The following ACYP2 variants were observed in gnomAD, a reference collection of about 807,000 sequenced individuals.
ACYP2 encodes acylphosphatase 2, also known as acylphosphatase-2.
ACYP2 carries 12 observed loss-of-function variants against 11.2 expected under a neutral mutation model. The ratio of observed to expected loss-of-function variants is 1.08; its 90% CI spans 0.69 to 1.74. ACYP2 has a LOEUF of 1.74. Ranked by LOEUF, ACYP2 falls within the 40% of genes most tolerant of loss-of-function variation. The pLI is 0.00. For synonymous variants in ACYP2, 43 were observed against 32.2 expected (o/e 1.33, Z -1.13); for missense variants, 134 against 101.9 (o/e 1.31, Z -1.35).
chr2:54,207,273 G>A (rs1371576569), intron 6 of ACYP2, among the ~76,000 whole-genome samples: 1 of 151,418 alleles, frequency 6.6e-6, no homozygotes, highest in East Asian at 1.9e-4. Context: ...TTGTAGGGAA[G>A]GCTGGCAGGC....
At chr2:53,994,329 CAAAAAAAAAAAA>C (rs374302355) in intron 2 of ACYP2, among the ~76,000 whole-genome samples, 2 of 42,892 alleles carry the variant, frequency 4.7e-5, no homozygotes, top group African/African-American at 1.9e-4. Context: ...GACTCCGTCT[CAAAAAAAAAAAA>C]AAAAAAAAAA....
At chr2:54,146,308 C>T (rs1470618280) in intron 6 of ACYP2, among the ~76,000 whole-genome samples, 1 of 152,214 alleles carries the variant, frequency 6.6e-6, no homozygotes, top group African/African-American at 2.4e-5. Context: ...TTTTCACAAC[C>T]ATCTGCCTTT....
chr2:53,975,196 A>C lies in ACYP2; in HGVS notation c.62+1386A>C, dbSNP rs1381161180. 1.3e-5 allele frequency: 5 copies of C among 390,984 alleles called. No homozygotes were observed. The Admixed American group carries it at 1.4e-4, about 11-fold the overall frequency. The allele number at this position is 390,984 out of a possible 1,614,324, so 24.2% of individuals were successfully genotyped here. A position where few individuals can be genotyped will look rare whatever the true frequency, so the allele number is the denominator to read the frequency against. On this transcript the variant is annotated intron_variant, in intron 2 of 6. Transcript: ENST00000607452. Reference sequence around the variant, plus strand: ...GCTGAGATCACACCACTGCATTCCAACCTGGCGACAGAGCGAGACTCTGTC... The same window carrying C: ...GCTGAGATCACACCACTGCATTCCACCCTGGCGACAGAGCGAGACTCTGTC...
At chr2:54,201,662 C>CTTTCTTTCTT (rs1684825319) in intron 6 of ACYP2, among the ~76,000 whole-genome samples, 1 of 80,318 alleles carries the variant, frequency 1.2e-5, no homozygotes, top group Non-Finnish European at 2.8e-5. Context: ...TTCTTTCTTT[C>CTTTCTTTCTT]TTTCTTTCTT....
chr2:54,185,403 ATGTGTT>A (rs1297509230), intron 6 of ACYP2, among the ~76,000 whole-genome samples: 1 of 152,152 alleles, frequency 6.6e-6, no homozygotes, highest in Non-Finnish European at 1.5e-5. Context: ...ATGAAAATAC[ATGTGTT>A]ATTCAGTGGT....
chr2:54,187,231 A>G (rs1053173292), intron 6 of ACYP2, among the ~76,000 whole-genome samples: 2 of 152,202 alleles, frequency 1.3e-5, no homozygotes, highest in African/African-American at 4.8e-5. Context: ...GAGCTGTTAC[A>G]GAGAGCAGCA....
chr2:54,285,375 G>T (rs1689036448), intron 6 of ACYP2, among the ~76,000 whole-genome samples: 1 of 152,146 alleles, frequency 6.6e-6, no homozygotes, highest in South Asian at 2.1e-4. Flanking sequence ...TGCTCCTCTT[G>T]CTGACCACTT....
intron 2 of ACYP2, among the ~76,000 whole-genome samples, chr2:54,001,438 G>C (rs1052424321): frequency 6.6e-6 from 1 of 152,164 alleles, no homozygotes; most frequent in Non-Finnish European, 1.5e-5. Context: ...TTGTCGCCCA[G>C]GTTGAAGTGC....
At position 54,051,072 on chromosome 2, in the gene ACYP2, C is replaced by A; in HGVS notation, c.155+22C>A. On this transcript the variant is annotated intron_variant, in intron 3 of 6. Coordinates refer to ENST00000607452, the MANE Select transcript of ACYP2 (RefSeq NM_001320586.2). ...ACAGGTGAGAACCACCGTCCTTGGT[C>A]ACAAATTCCTTTAAAGAGCTGTGCA... is the stretch of plus-strand genomic sequence containing the variant. The A allele has an allele frequency of 9.7e-6, 5 of 515,798 alleles. No homozygotes were observed. In the South Asian group the frequency reaches 1.7e-4, roughly 18 times the overall value. 32.0% of individuals were successfully genotyped at this position (515,798 alleles called of 1,614,324 possible).
chr2:54,171,727 G>A (rs1433462112), intron 6 of ACYP2, among the ~76,000 whole-genome samples: 1 of 152,052 alleles, frequency 6.6e-6, no homozygotes. Flanking sequence ...AATAGAGTAA[G>A]TAAATCTAAG....
intron 6 of ACYP2, among the ~76,000 whole-genome samples, chr2:54,196,222 G>T (rs115491355): frequency 6.6e-6 from 1 of 151,970 alleles, no homozygotes; most frequent in Non-Finnish European, 1.5e-5. Context: ...TTTCAGACAG[G>T]GCCTCACTCT....
At chr2:54,073,210 T>C (rs1006899892) in intron 4 of ACYP2, among the ~76,000 whole-genome samples, 2 of 152,158 alleles carry the variant, frequency 1.3e-5, no homozygotes, top group Non-Finnish European at 2.9e-5. Context: ...AGGCGGACTC[T>C]GACTTCACAC....
intron 6 of ACYP2, chr2:54,256,415 G>A: frequency 2.1e-6 from 1 of 471,964 alleles, no homozygotes. Context: ...TTTAGCCAAA[G>A]TCTAATGAGC....
chr2:53,993,896 G>A (rs1167530679), intron 2 of ACYP2, among the ~76,000 whole-genome samples: 1 of 151,902 alleles, frequency 6.6e-6, no homozygotes, highest in Admixed American at 6.6e-5. Context: ...GTATAATATA[G>A]GAAACTGGGC....
chr2:54,254,768 T>G, intron 6 of ACYP2: 2 of 715,362 alleles, frequency 2.8e-6, no homozygotes, highest in Non-Finnish European at 4.5e-6. Flanking sequence ...AAGGTCTCAA[T>G]CTTCAGGTTG....
intron 6 of ACYP2, among the ~76,000 whole-genome samples, chr2:54,237,765 C>A (rs1156985792): frequency 2.0e-5 from 3 of 152,086 alleles, no homozygotes; most frequent in African/African-American, 7.2e-5. Flanking sequence ...GTTTGGAGAT[C>A]TACTTGAATC....
At chr2:54,073,396 G>T (rs1677166572) in intron 4 of ACYP2, among the ~76,000 whole-genome samples, 1 of 151,798 alleles carries the variant, frequency 6.6e-6, no homozygotes, top group Non-Finnish European at 1.5e-5. Context: ...ATGGATCAAA[G>T]ACCTAACTAC....
intron 4 of ACYP2, among the ~76,000 whole-genome samples, chr2:54,094,616 C>T (rs1678418278): frequency 6.6e-6 from 1 of 151,924 alleles, no homozygotes; most frequent in Non-Finnish European, 1.5e-5. Context: ...CGGCTCACTG[C>T]AGCCTCTTCC....
chr2:54,258,831 A>G, intron 6 of ACYP2, among the ~76,000 whole-genome samples: 1 of 152,288 alleles, frequency 6.6e-6, no homozygotes, highest in East Asian at 1.9e-4. Flanking sequence ...TTATAAAGAA[A>G]AGCTTATTTA....
Sources: allele counts gnomAD v4.1 joint callset (sites outside exome capture counted in the v4.1 genomes callset), GRCh38; gene constraint gnomAD v4.1.1; transcripts MANE v1.5; gene names NCBI Gene and HGNC (gene_info 2026-07-23, HGNC 2026-07-21).